The following STPG2 variants were observed in gnomAD, a reference collection of about 807,000 sequenced individuals.
The protein encoded by STPG2 is sperm tail PG-rich repeat containing 2, also known as sperm-tail PG-rich repeat-containing protein 2.
Under a neutral mutation model 54.2 loss-of-function variants are expected in STPG2, and 56 were observed. That is an observed-to-expected ratio of 1.03 (90% confidence interval 0.83 to 1.29). The LOEUF (loss-of-function observed/expected upper bound fraction) is 1.29. Among genes scored for constraint, STPG2 ranks in the 50% most tolerant of loss-of-function variants. The pLI is 0.00. For synonymous variants in STPG2, 200 were observed against 181.8 expected, an observed-to-expected ratio of 1.10 and a Z score of -0.81; for missense variants, 596 against 544.9, an observed-to-expected ratio of 1.09 and a Z score of -0.93.
chr4:98,046,031 T>G, intron 5 of STPG2, among the ~76,000 whole-genome samples: 1 of 151,968 alleles, frequency 6.6e-6, no homozygotes, highest in African/African-American at 2.4e-5. Flanking sequence ...CCTTAAGTGA[T>G]CTTCATAGTT....
intron 10 of STPG2, among the ~76,000 whole-genome samples, chr4:97,701,148 C>T (rs1723760870): frequency 6.6e-6 from 1 of 152,122 alleles, no homozygotes; most frequent in Non-Finnish European, 1.5e-5. Context: ...TTAATGCCTT[C>T]CATTTGGCCT....
chr4:98,091,240 A>G (rs1738675859), intron 5 of STPG2, among the ~76,000 whole-genome samples: 1 of 151,930 alleles, frequency 6.6e-6, no homozygotes, highest in Admixed American at 6.6e-5. Flanking sequence ...TTACCTCATG[A>G]TTTCCCTCTC....
chr4:98,101,504 C>T (rs1331593101), intron 5 of STPG2, among the ~76,000 whole-genome samples: 1 of 151,894 alleles, frequency 6.6e-6, no homozygotes, highest in Non-Finnish European at 1.5e-5. Flanking sequence ...GCTTGTGATT[C>T]CCAGAAAGAA....
At chr4:98,059,865 C>G (rs979136327) in intron 5 of STPG2, among the ~76,000 whole-genome samples, 1 of 152,028 alleles carries the variant, frequency 6.6e-6, no homozygotes, top group Non-Finnish European at 1.5e-5. Context: ...ATTCAATACC[C>G]CTTTGTGTTA....
At chr4:97,981,987 C>T (rs1261368134) in intron 5 of STPG2, among the ~76,000 whole-genome samples, 1 of 151,400 alleles carries the variant, frequency 6.6e-6, no homozygotes, top group African/African-American at 2.4e-5. Flanking sequence ...CGGGTTCACA[C>T]CATTTTCCCG....
chr4:97,740,167 T>C (rs1725174469), intron 9 of STPG2, among the ~76,000 whole-genome samples: 1 of 152,142 alleles, frequency 6.6e-6, no homozygotes. Context: ...TCAACAACGC[T>C]TCATGCTAAA....
At chr4:98,054,649 C>T (rs1737428031) in intron 5 of STPG2, among the ~76,000 whole-genome samples, 1 of 151,992 alleles carries the variant, frequency 6.6e-6, no homozygotes, top group Non-Finnish European at 1.5e-5. Flanking sequence ...ATCTTGCATC[C>T]ATCCAGAAAG....
At chr4:97,559,899 CA>C (rs1291337333) in intron 10 of STPG2, among the ~76,000 whole-genome samples, 10 of 152,152 alleles carry the variant, frequency 6.6e-5, no homozygotes, top group African/African-American at 2.4e-4. Flanking sequence ...CTACTGTATG[CA>C]AAGCATTTTC....
At chr4:97,607,005 A>T (rs1733611852) in intron 10 of STPG2, among the ~76,000 whole-genome samples, 1 of 152,064 alleles carries the variant, frequency 6.6e-6, no homozygotes, top group South Asian at 2.1e-4. Flanking sequence ...TAAAACTAAG[A>T]TATAATTATA....
chr4:97,575,986 CAAAT>C (rs1227995303), intron 10 of STPG2, among the ~76,000 whole-genome samples: 1 of 151,846 alleles, frequency 6.6e-6, no homozygotes, highest in Non-Finnish European at 1.5e-5. Flanking sequence ...AGCTGAGAGT[CAAAT>C]AGAGAATGCA....
chr4:97,560,281 A>G (rs1732191181), intron 10 of STPG2, among the ~76,000 whole-genome samples: 1 of 152,176 alleles, frequency 6.6e-6, no homozygotes, highest in Non-Finnish European at 1.5e-5. Flanking sequence ...TATAACTAGG[A>G]AAATTGGCTA....
intron 10 of STPG2, among the ~76,000 whole-genome samples, chr4:97,700,389 C>G (rs113777508): frequency 0.013 from 1,990 of 152,244 alleles, 42 homozygotes; most frequent in African/African-American, 0.046. Flanking sequence ...GTGTTGTCTC[C>G]AAAATCCCAA....
chr4:97,935,845 G>T lies in STPG2; in HGVS notation c.1044+8052C>A, dbSNP rs925201604. On this transcript the variant is annotated intron_variant, in intron 8 of 10. Coordinates refer to ENST00000295268, the MANE Select transcript of STPG2 (RefSeq NM_174952.3). ...AGTTCTGTGTGGCACTGAGAAGAAT[G>T]TCTATTCTGTTGTTTTGGGGTGGAG... Among the ~76,000 whole-genome samples the T allele has an allele frequency of 7.2e-5, 11 of 152,238 alleles. 3 individuals carry two copies. The highest frequency in any genetic ancestry group is 6.5e-5 in the Admixed American group (1 of 15,270).
chr4:98,038,197 C>T (rs1488156590), intron 5 of STPG2, among the ~76,000 whole-genome samples: 3 of 151,798 alleles, frequency 2.0e-5, no homozygotes, highest in Non-Finnish European at 4.4e-5. Flanking sequence ...TTGACTGAGA[C>T]AAACAGATTC....
intron 5 of STPG2, among the ~76,000 whole-genome samples, chr4:98,037,669 A>C (rs1472281059): frequency 1.3e-5 from 2 of 152,090 alleles, no homozygotes; most frequent in African/African-American, 4.8e-5. Flanking sequence ...GGAAAACACA[A>C]AAGAATTAAA....
intron 10 of STPG2, among the ~76,000 whole-genome samples, chr4:97,563,737 A>T (rs1017569442): frequency 1.3e-5 from 2 of 152,148 alleles, no homozygotes; most frequent in African/African-American, 4.8e-5. Context: ...GTTTCCATGT[A>T]GTTGAGTGCT....
intron 5 of STPG2, among the ~76,000 whole-genome samples, 198 bp from the exon 6 acceptor site, chr4:97,981,516 CTAATAT>C (rs1734674933): frequency 6.6e-6 from 1 of 151,904 alleles, no homozygotes. Flanking sequence ...CACCTGTATA[CTAATAT>C]AGTAATGTAT....
At chr4:97,555,410 T>C (rs1188051609), downstream of STPG2, among the ~76,000 whole-genome samples, 1 of 152,122 alleles carries the variant, frequency 6.6e-6, no homozygotes, top group Non-Finnish European at 1.5e-5. Flanking sequence ...CTGGGTAATG[T>C]GATCCTACTG....
intron 7 of STPG2, among the ~76,000 whole-genome samples, chr4:97,952,196 T>C (rs556175303): frequency 2.6e-5 from 4 of 152,052 alleles, no homozygotes; most frequent in African/African-American, 9.7e-5. Context: ...CCTGAAATGT[T>C]TGAAAAAGGT....
Sources: allele counts gnomAD v4.1 joint callset (sites outside exome capture counted in the v4.1 genomes callset), GRCh38; gene constraint gnomAD v4.1.1; transcripts MANE v1.5; gene names NCBI Gene and HGNC (gene_info 2026-07-23, HGNC 2026-07-21).